CENPW: variants seen among roughly 807,000 people sequenced by gnomAD.
CENPW encodes the protein cancer-up-regulated gene 2 protein.
CENPW carries 3 observed loss-of-function variants against 11.1 expected under a neutral mutation model. That is an observed-to-expected ratio of 0.27 (90% confidence interval 0.12 to 0.70). The LOEUF is 0.70. CENPW is among the 30% of genes least tolerant of loss of function. The pLI is 0.77. For synonymous variants in CENPW, 38 were observed against 42.0 expected, an observed-to-expected ratio of 0.91 and a Z score of 0.37; for missense variants, 100 against 105.6, an observed-to-expected ratio of 0.95 and a Z score of 0.23.
chr6:126,429,474 C>T, the CENPW span, among the ~76,000 whole-genome samples: 5 of 151,880 alleles, frequency 3.3e-5, no homozygotes, highest in Non-Finnish European at 7.4e-5. Context: ...GTCTGTGGCA[C>T]CTCCCCCCAA....
At chr6:126,481,089 T>C in the CENPW span, among the ~76,000 whole-genome samples, 4 of 152,030 alleles carry the variant, frequency 2.6e-5, no homozygotes, top group Admixed American at 2.0e-4. Flanking sequence ...CCATAATAAA[T>C]TATAACTAAT....
At chr6:126,459,641 AT>A in the CENPW span, among the ~76,000 whole-genome samples, 11 of 151,592 alleles carry the variant, frequency 7.3e-5, no homozygotes, top group Admixed American at 7.3e-4. Flanking sequence ...TCTTAAAAAT[AT>A]CTTGTATATT....
At chr6:126,416,911 G>A in the CENPW span, among the ~76,000 whole-genome samples, 1 of 152,196 alleles carries the variant, frequency 6.6e-6, no homozygotes, top group African/African-American at 2.4e-5. Context: ...CCTTACTGGG[G>A]CACTACCTAG....
chr6:126,460,442 A>G, the CENPW span, among the ~76,000 whole-genome samples: 1 of 151,670 alleles, frequency 6.6e-6, no homozygotes, highest in Non-Finnish European at 1.5e-5. Flanking sequence ...TGTGTAATGC[A>G]AGCGCTTTAA....
At chr6:126,367,052 C>G in the CENPW span, among the ~76,000 whole-genome samples, 3 of 152,100 alleles carry the variant, frequency 2.0e-5, no homozygotes, top group Non-Finnish European at 4.4e-5. Context: ...CCAACACATG[C>G]ATTTTGGGTG....
chr6:126,359,409 T>A, the CENPW span, among the ~76,000 whole-genome samples: 1 of 152,050 alleles, frequency 6.6e-6, no homozygotes, highest in Non-Finnish European at 1.5e-5. Flanking sequence ...GATTTTTGGG[T>A]AGGTTATTCT....
At chr6:126,409,806 C>G in the CENPW span, among the ~76,000 whole-genome samples, 4 of 151,622 alleles carry the variant, frequency 2.6e-5, no homozygotes, top group Admixed American at 2.6e-4. Context: ...ACATCTTTAC[C>G]AGTGAAGTGA....
At chr6:126,382,699 TGAA>T in the CENPW span, among the ~76,000 whole-genome samples, 1 of 152,102 alleles carries the variant, frequency 6.6e-6, no homozygotes, top group Non-Finnish European at 1.5e-5. Flanking sequence ...TCTCAGAGCT[TGAA>T]GACTAATTTC....
Position 126,346,282 on chromosome 6 carries a change from A to C in CENPW, c.204A>C (p.Arg68Ser). Residue 68 changes from arginine (R) to serine (S), a missense_variant, in exon 2 of 3, where the codon AGA becomes AGC. Coordinates refer to ENST00000368328, the MANE Select transcript of CENPW (RefSeq NM_001012507.4). The stretch of plus-strand genomic sequence containing the variant: ...CAAACGCTTGTGCGAGTAAATGTAG[A>C]GTCATTAACAAGGAGCATGTACTGG... ...SRTNACASKC[R>S]VINKEHVLAA... 1 of 1,608,360 alleles carries C rather than the reference A, an allele frequency of 6.2e-7. No individual in the cohort carries two copies. The highest frequency in any genetic ancestry group is 8.5e-7 in the Non-Finnish European group (1 of 1,175,614).
intron 2 of CENPW, among the ~76,000 whole-genome samples, chr6:126,347,614 T>C (rs1780434494): frequency 6.6e-6 from 1 of 152,116 alleles, no homozygotes; most frequent in Non-Finnish European, 1.5e-5. Flanking sequence ...GAAATGTGCA[T>C]GTCTTGGCAT....
chr6:126,435,661 C>T, the CENPW span, among the ~76,000 whole-genome samples: 1 of 151,778 alleles, frequency 6.6e-6, no homozygotes, highest in Non-Finnish European at 1.5e-5. Flanking sequence ...AATTAATTTT[C>T]TCAGATAACC....
At chr6:126,404,439 C>A in the CENPW span, among the ~76,000 whole-genome samples, 46 of 152,164 alleles carry the variant, frequency 3.0e-4, 1 homozygote, top group East Asian at 8.3e-3. Flanking sequence ...CGATTCCATA[C>A]CTGGCTACTG....
At chr6:126,418,942 G>T in the CENPW span, among the ~76,000 whole-genome samples, 1 of 107,516 alleles carries the variant, frequency 9.3e-6, no homozygotes, top group African/African-American at 3.5e-5. Flanking sequence ...GGGGTGGGGG[G>T]AGGGGGGAGG....
the CENPW span, among the ~76,000 whole-genome samples, chr6:126,355,741 C>T: frequency 1.3e-5 from 2 of 152,100 alleles, no homozygotes; most frequent in Non-Finnish European, 2.9e-5. Context: ...AGTACTTGCG[C>T]TGTCTTAAAT....
At chr6:126,342,284 G>A (rs780058138) in intron 1 of CENPW, among the ~76,000 whole-genome samples, 1 of 152,190 alleles carries the variant, frequency 6.6e-6, no homozygotes, top group South Asian at 2.1e-4. Flanking sequence ...ATGAAATTAT[G>A]TAGAAGTGTA....
the CENPW span, among the ~76,000 whole-genome samples, chr6:126,406,814 T>G: frequency 6.6e-6 from 1 of 151,350 alleles, no homozygotes; most frequent in East Asian, 1.9e-4. Context: ...ATTGCACCAC[T>G]GCACTCCAGC....
At chr6:126,418,648 A>T in the CENPW span, among the ~76,000 whole-genome samples, 5 of 152,126 alleles carry the variant, frequency 3.3e-5, no homozygotes, top group African/African-American at 1.2e-4. Context: ...AAAATCCAGT[A>T]AACTCCAGAT....
At chr6:126,361,121 C>T in the CENPW span, among the ~76,000 whole-genome samples, 2 of 152,096 alleles carry the variant, frequency 1.3e-5, no homozygotes, top group African/African-American at 4.8e-5. Flanking sequence ...GGTCATGACT[C>T]TGTATGGGAT....
At chr6:126,420,113 AC>A in the CENPW span, among the ~76,000 whole-genome samples, 2 of 152,168 alleles carry the variant, frequency 1.3e-5, no homozygotes, top group Admixed American at 6.6e-5. Context: ...TTTTCTTTGA[AC>A]AGGAATATTT....
Sources: allele counts gnomAD v4.1 joint callset (sites outside exome capture counted in the v4.1 genomes callset), GRCh38; gene constraint gnomAD v4.1.1; transcripts MANE v1.5; gene names NCBI Gene and HGNC (gene_info 2026-07-23, HGNC 2026-07-21).